The following FAM120B variants were observed in gnomAD, a reference collection of about 807,000 sequenced individuals.
FAM120B encodes the protein family with sequence similarity 120 member B.
A neutral mutation model predicts 96.3 loss-of-function variants in FAM120B; 83 were observed. That is an observed-to-expected ratio of 0.86 (90% confidence interval 0.72 to 1.03). The LOEUF is 1.03. Ranked by LOEUF, FAM120B falls within the 50% of genes least tolerant of loss-of-function variation. The probability of loss-of-function intolerance (pLI) is 0.00; values close to 1 mark genes in which losing one functional copy is unlikely to be tolerated. For synonymous variants in FAM120B, 407 were observed against 402.7 expected (o/e 1.01, Z -0.13); for missense variants, 1,027 against 1,121.2 (o/e 0.92, Z 1.20).
At chr6:170,333,198 T>G (rs1366963498) in intron 4 of FAM120B, among the ~76,000 whole-genome samples, 2 of 108,030 alleles carry the variant, frequency 1.9e-5, no homozygotes, top group African/African-American at 3.6e-5. Context: ...ATTGAAAACC[T>G]AATCACTAAT....
At chr6:170,311,909 C>T (rs1027966934) in intron 1 of FAM120B, among the ~76,000 whole-genome samples, 1 of 152,190 alleles carries the variant, frequency 6.6e-6, no homozygotes, top group African/African-American at 2.4e-5. Context: ...TCAGCAGCTT[C>T]CTAACATACT....
At chr6:170,369,198 AT>A (rs898363910) in intron 6 of FAM120B, among the ~76,000 whole-genome samples, 1 of 150,908 alleles carries the variant, frequency 6.6e-6, no homozygotes, top group Admixed American at 6.8e-5. Flanking sequence ...TAGTATTCAT[AT>A]TTTTCCTCAC....
intron 4 of FAM120B, among the ~76,000 whole-genome samples, chr6:170,345,905 C>T (rs781212780): frequency 2.0e-5 from 3 of 152,216 alleles, no homozygotes; most frequent in Non-Finnish European, 4.4e-5. Context: ...AGGTGATTCT[C>T]TCATGAGAAC....
At chr6:170,291,966 G>T (rs1783888747), upstream of FAM120B, among the ~76,000 whole-genome samples, 2 of 152,224 alleles carry the variant, frequency 1.3e-5, no homozygotes, top group Non-Finnish European at 2.9e-5. Context: ...TTTGGTGTGT[G>T]TCGTTCGCGT....
intron 1 of FAM120B, among the ~76,000 whole-genome samples, chr6:170,316,683 T>C (rs1408663557): frequency 1.3e-5 from 2 of 152,230 alleles, no homozygotes; most frequent in African/African-American, 4.8e-5. Flanking sequence ...TTAACACCTT[T>C]ATTCAGGTGT....
intron 6 of FAM120B, among the ~76,000 whole-genome samples, chr6:170,377,849 C>T (rs576346867): frequency 6.7e-6 from 1 of 149,188 alleles, no homozygotes; most frequent in African/African-American, 2.5e-5. Context: ...TCCCTAATCC[C>T]AGATGCCTGG....
At position 170,317,414 on chromosome 6, in the gene FAM120B, A is replaced by G; in HGVS notation, c.24A>G (p.Gly8=). The change falls in exon 2 of 11, where the codon GGA becomes GGG. Residue 8 remains glycine, a synonymous_variant. Transcript: ENST00000476287. MGVRGLQ[G]FVGSTCPHIC... Reference sequence around the variant, plus strand: ...TTATGGGTGTGAGAGGTTTGCAAGGATTTGTGGGAAGTACCTGCCCACATA... The same window carrying G: ...TTATGGGTGTGAGAGGTTTGCAAGGGTTTGTGGGAAGTACCTGCCCACATA... 6.2e-7 allele frequency: 1 copy of G among 1,611,396 alleles called. No individual in the cohort carries two copies. The highest frequency in any genetic ancestry group is 8.5e-7 in the Non-Finnish European group (1 of 1,177,672).
intron 6 of FAM120B, among the ~76,000 whole-genome samples, chr6:170,368,823 G>GAGT (rs146108401): frequency 1.6e-5 from 2 of 125,212 alleles, no homozygotes; most frequent in African/African-American, 6.0e-5. Context: ...CCGGGGCTGG[G>GAGT]GGGGGGGCTC....
chr6:170,355,799 T>A (rs1787907634), intron 5 of FAM120B, among the ~76,000 whole-genome samples: 1 of 152,248 alleles, frequency 6.6e-6, no homozygotes. Flanking sequence ...CACTATTGGT[T>A]AATATTTTCT....
At chr6:170,388,909 A>T (rs942577245) in intron 7 of FAM120B, among the ~76,000 whole-genome samples, 6 of 152,234 alleles carry the variant, frequency 3.9e-5, no homozygotes, top group African/African-American at 1.4e-4. Flanking sequence ...CAATTAACAC[A>T]TCATTTGTAT....
At chr6:170,342,169 T>G (rs777119376) in intron 4 of FAM120B, among the ~76,000 whole-genome samples, 1 of 152,184 alleles carries the variant, frequency 6.6e-6, no homozygotes, top group Non-Finnish European at 1.5e-5. Context: ...TTGGTTTGGT[T>G]GTTTTTTGTT....
intron 6 of FAM120B, among the ~76,000 whole-genome samples, chr6:170,378,885 CT>C (rs1789737648): frequency 6.6e-6 from 1 of 152,220 alleles, no homozygotes; most frequent in African/African-American, 2.4e-5. Flanking sequence ...AGAGAATTAA[CT>C]ATTCAGCTTT....
chr6:170,404,674 A>C, intron 10 of FAM120B, 73 bp downstream of exon 10: 1 of 1,161,162 alleles, frequency 8.6e-7, no homozygotes, highest in Non-Finnish European at 1.3e-6. Context: ...CTTCCATATC[A>C]AGTACCAAAG....
upstream of FAM120B, among the ~76,000 whole-genome samples, chr6:170,301,975 C>T (rs1784150570): frequency 6.6e-6 from 1 of 152,194 alleles, no homozygotes; most frequent in South Asian, 2.1e-4. Context: ...CCCAACTGTT[C>T]CAACCTCTGC....
intron 6 of FAM120B, among the ~76,000 whole-genome samples, chr6:170,380,038 G>T (rs58170059): frequency 0.064 from 9,677 of 152,154 alleles, 1,169 homozygotes; most frequent in East Asian, 0.57. Context: ...CTCCCGTTCT[G>T]CCGTCTGTTT....
chr6:170,373,635 T>A (rs541820601), intron 6 of FAM120B, among the ~76,000 whole-genome samples: 31 of 152,222 alleles, frequency 2.0e-4, no homozygotes, highest in Non-Finnish European at 3.2e-4. Flanking sequence ...TACCGCACAG[T>A]GTTTTTGGTA....
intron 6 of FAM120B, among the ~76,000 whole-genome samples, chr6:170,386,247 T>C (rs2115304773): frequency 6.6e-6 from 1 of 152,302 alleles, no homozygotes; most frequent in East Asian, 1.9e-4. Flanking sequence ...TTCCTCTCAA[T>C]TTTGCTGTGA....
chr6:170,356,200 T>G (rs1033050758), intron 5 of FAM120B, among the ~76,000 whole-genome samples: 4 of 152,202 alleles, frequency 2.6e-5, no homozygotes, highest in Admixed American at 6.5e-5. Flanking sequence ...ACTTTACCTT[T>G]TTTCTATTAA....
intron 7 of FAM120B, among the ~76,000 whole-genome samples, chr6:170,389,893 TC>T (rs1218293053): frequency 6.6e-6 from 1 of 152,020 alleles, no homozygotes; most frequent in Non-Finnish European, 1.5e-5. Context: ...GAACTAATAC[TC>T]CCTGCAAAAG....
Sources: gnomAD v4.1 joint callset for allele counts (sites outside exome capture counted in the v4.1 genomes callset) on GRCh38, gnomAD v4.1.1 for gene constraint, MANE v1.5 for transcripts, NCBI Gene and HGNC (gene_info 2026-07-23, HGNC 2026-07-21) for gene names.